The following GLRA2 variants were observed in gnomAD, a reference collection of about 807,000 sequenced individuals.
The protein encoded by GLRA2 is glycine receptor subunit alpha-2.
GLRA2 carries 11 observed loss-of-function variants against 31.6 expected under a neutral mutation model. The ratio of observed to expected loss-of-function variants is 0.35; its 90% CI spans 0.22 to 0.58. GLRA2 has a LOEUF of 0.58. Ranked by LOEUF, GLRA2 falls within the 20% of genes least tolerant of loss-of-function variation. The pLI is 0.84. For missense variants in GLRA2, 212 were observed against 351.8 expected (o/e 0.60, Z 3.18); for synonymous variants, 132 against 134.0 (o/e 0.99, Z 0.10).
intron 7 of GLRA2, among the ~76,000 whole-genome samples, chrX:14,612,236 C>A (rs1189370001): frequency 8.9e-6 from 1 of 112,006 alleles, no homozygotes; most frequent in Non-Finnish European, 1.9e-5. Context: ...CCCATCATCA[C>A]TGGTCATTAG....
chrX:14,461,813 C>G, the GLRA2 span, among the ~76,000 whole-genome samples: 1 of 112,159 alleles, frequency 8.9e-6, no homozygotes, highest in Non-Finnish European at 1.9e-5. Context: ...TTGTGCCAGT[C>G]TGTGTCTTTG....
At chrX:14,541,454 A>G (rs771433848) in intron 2 of GLRA2, among the ~76,000 whole-genome samples, 1 of 111,617 alleles carries the variant, frequency 9.0e-6, no homozygotes, top group East Asian at 2.8e-4. Context: ...TTACCACACA[A>G]TTTTTACTTC....
intron 2 of GLRA2, among the ~76,000 whole-genome samples, chrX:14,543,606 G>C (rs1311510233): frequency 9.0e-6 from 1 of 111,124 alleles, no homozygotes; most frequent in Non-Finnish European, 1.9e-5. Context: ...ATGTACAAAG[G>C]CTGCTTCTGG....
At chrX:14,597,023 C>T (rs1217246715) in intron 4 of GLRA2, among the ~76,000 whole-genome samples, 2 of 111,564 alleles carry the variant, frequency 1.8e-5, no homozygotes, top group Non-Finnish European at 3.8e-5. Context: ...ATTAATGATG[C>T]ACTTTTAACT....
rs1601907679 is a variant in GLRA2, at chrX:14,728,972, C to G, written c.1081-1235C>G. The stretch of plus-strand genomic sequence containing the variant: ...AACTGAAATAGTTCTTCTCACCTTC[C>G]TTACCTCTCCAGGGATCTGCTGTTG... On this transcript the variant is annotated intron_variant, in intron 8 of 8. Transcript: ENST00000218075. 3.6e-5 allele frequency among the ~76,000 whole-genome samples: 4 copies of G among 112,357 alleles called. No individual in the cohort carries two copies. The Admixed American group carries it at 3.8e-4, about 11-fold the overall frequency.
chrX:14,544,878 AT>A (rs1211329730), intron 2 of GLRA2, among the ~76,000 whole-genome samples: 1 of 111,142 alleles, frequency 9.0e-6, no homozygotes, highest in Non-Finnish European at 1.9e-5. Context: ...AGCAAGCATG[AT>A]TTTTTTTCTT....
chrX:14,481,279 A>T, the GLRA2 span, among the ~76,000 whole-genome samples: 2 of 111,515 alleles, frequency 1.8e-5, no homozygotes. Flanking sequence ...ACTGGATTCC[A>T]CATTTCATCT....
chrX:14,701,175 A>C (rs1227085346), intron 8 of GLRA2, among the ~76,000 whole-genome samples: 1 of 110,762 alleles, frequency 9.0e-6, no homozygotes, highest in Non-Finnish European at 1.9e-5. Flanking sequence ...AATGTTTGTG[A>C]ATTGCGAAAT....
In GLRA2 at chrX:14,563,135, T is replaced by C. The variant is rs573370366; in HGVS notation, c.203-11198T>C. Among the ~76,000 whole-genome samples, 4 of 112,629 alleles carry C rather than the reference T, an allele frequency of 3.6e-5. No individual in the cohort carries two copies. In the South Asian group the frequency reaches 1.5e-3, roughly 42 times the overall value. ...CACTGCATTTTCAGGGAAATATGTG[T>C]GCTCAGAAAAGACCCGAGCAAACCC... On this transcript the variant is annotated intron_variant, in intron 2 of 8. Transcript: ENST00000218075.
chrX:14,450,817 C>A, the GLRA2 span, among the ~76,000 whole-genome samples: 1 of 111,487 alleles, frequency 9.0e-6, no homozygotes, highest in African/African-American at 3.3e-5. Flanking sequence ...GTGATCCTCC[C>A]ACCTCACCTC....
rs767361474 is a variant in GLRA2, at chrX:14,569,214, C to T, written c.203-5119C>T. Among the ~76,000 whole-genome samples, 8 of 111,333 alleles carry T rather than the reference C, an allele frequency of 7.2e-5. No homozygotes were observed. The South Asian group carries it at 1.9e-3, about 26-fold the overall frequency. ...AGGTTGCAGTGAGCCAAGACTGTGC[C>T]ACTGCACTCCAGCTTGGGTGAAAGA... On this transcript the variant is annotated intron_variant, in intron 2 of 8. Coordinates refer to ENST00000218075, the MANE Select transcript of GLRA2 (RefSeq NM_002063.4).
At position 14,581,411 on chromosome X, in the gene GLRA2, G is replaced by A. The variant is rs775951787; in HGVS notation, c.494+5G>A. 1.9e-6 allele frequency: 2 copies of A among 1,033,977 alleles called. No individual in the cohort carries two copies. Among genetic ancestry groups the A allele is most frequent in the Non-Finnish European group, 1.4e-6 (1 of 734,781 alleles). 85.2% of individuals were successfully genotyped at this position (1,033,977 alleles called of 1,213,427 possible). On this transcript the variant is annotated splice_donor_5th_base_variant and intron_variant, in intron 4 of 8. Transcript: ENST00000218075. Reference sequence around the variant, plus strand: ...CAAAGTGCTCTACAGTATCAGGTAAGCCTCCATTGGCTGCACATGTTCGCA... The same window carrying A: ...CAAAGTGCTCTACAGTATCAGGTAAACCTCCATTGGCTGCACATGTTCGCA...
chrX:14,516,459 A>G, the GLRA2 span, among the ~76,000 whole-genome samples: 1 of 111,405 alleles, frequency 9.0e-6, no homozygotes, highest in African/African-American at 3.3e-5. Context: ...TTCTTGCTTG[A>G]ATTAGATGAT....
chrX:14,588,055 T>C (rs774296848), intron 4 of GLRA2, among the ~76,000 whole-genome samples: 1 of 110,530 alleles, frequency 9.0e-6, no homozygotes, highest in Non-Finnish European at 1.9e-5. Flanking sequence ...TATATGTGCA[T>C]GCCACCATGC....
chrX:14,612,646 G>GA (rs1240095121), intron 7 of GLRA2, among the ~76,000 whole-genome samples: 1 of 111,152 alleles, frequency 9.0e-6, no homozygotes, highest in African/African-American at 3.3e-5. Flanking sequence ...ATGCAGCCAT[G>GA]AAAAAGGATG....
chrX:14,606,766 A>G (rs906955175), intron 5 of GLRA2, among the ~76,000 whole-genome samples: 12 of 112,137 alleles, frequency 1.1e-4, no homozygotes, highest in Non-Finnish European at 2.3e-4. Flanking sequence ...GTCTTATTGG[A>G]TTGCTAAAGC....
chrX:14,699,610 A>T (rs1275210895), intron 8 of GLRA2, among the ~76,000 whole-genome samples: 1 of 110,649 alleles, frequency 9.0e-6, no homozygotes, highest in South Asian at 3.7e-4. Flanking sequence ...TTTGAAATAT[A>T]CAATACATTA....
chrX:14,706,758 G>A (rs926535976), intron 8 of GLRA2, among the ~76,000 whole-genome samples: 10 of 111,975 alleles, frequency 8.9e-5, no homozygotes, highest in Non-Finnish European at 1.5e-4. Context: ...ATAGAGTGAG[G>A]AGCTTCACCT....
intron 8 of GLRA2, among the ~76,000 whole-genome samples, chrX:14,729,192 A>G (rs1470983519): frequency 8.9e-6 from 1 of 112,347 alleles, no homozygotes; most frequent in African/African-American, 3.2e-5. Flanking sequence ...TTTGGGAAAC[A>G]TAACCATTAT....
Sources: allele counts gnomAD v4.1 joint callset (sites outside exome capture counted in the v4.1 genomes callset), GRCh38; gene constraint gnomAD v4.1.1; transcripts MANE v1.5; gene names NCBI Gene and HGNC (gene_info 2026-07-23, HGNC 2026-07-21).